Variants in MTMR8 observed in about 807,000 individuals in gnomAD.
MTMR8 encodes the protein myotubularin related protein 8.
Under a neutral mutation model 39.3 loss-of-function variants are expected in MTMR8, and 65 were observed. The observed-to-expected ratio is 1.65, with a 90% CI of 1.35 to 2.03. The LOEUF is 2.03. MTMR8 is among the 30% of genes most tolerant of loss of function. The pLI, the probability that MTMR8 is intolerant of heterozygous loss-of-function variation, is 0.00. For synonymous variants in MTMR8, 245 were observed against 185.2 expected, an observed-to-expected ratio of 1.32 and a Z score of -2.62; for missense variants, 777 against 538.9, an observed-to-expected ratio of 1.44 and a Z score of -4.37.
intron 1 of MTMR8, among the ~76,000 whole-genome samples, chrX:64,386,946 A>G (rs1298898137): frequency 9.0e-6 from 1 of 110,714 alleles, no homozygotes; most frequent in Admixed American, 9.6e-5. Context: ...CCAGCCACTC[A>G]GAAGGCTGTG....
At chrX:64,355,332 G>A (rs1212000085) in intron 3 of MTMR8, among the ~76,000 whole-genome samples, 1 of 111,671 alleles carries the variant, frequency 9.0e-6, no homozygotes, top group Non-Finnish European at 1.9e-5. Flanking sequence ...CTTTAACAAT[G>A]TTTTTGCATT....
At chrX:64,286,561 C>G (rs62611783) in intron 12 of MTMR8, among the ~76,000 whole-genome samples, 1 of 111,930 alleles carries the variant, frequency 8.9e-6, no homozygotes, top group Non-Finnish European at 1.9e-5. Flanking sequence ...CAAAAATCCT[C>G]AATAAAATAC....
intron 12 of MTMR8, among the ~76,000 whole-genome samples, chrX:64,285,153 A>G (rs1176253980): frequency 9.0e-6 from 1 of 111,628 alleles, no homozygotes; most frequent in African/African-American, 3.3e-5. Flanking sequence ...GGAAAACAAA[A>G]AAAGGCAGGG....
chrX:64,287,292 C>G (rs1921218809), intron 12 of MTMR8, among the ~76,000 whole-genome samples: 1 of 111,093 alleles, frequency 9.0e-6, no homozygotes, highest in Admixed American at 9.6e-5. Context: ...GAACTACAAA[C>G]CACTGCTCAA....
At chrX:64,292,952 C>T (rs373434705) in intron 12 of MTMR8, among the ~76,000 whole-genome samples, 3 of 111,335 alleles carry the variant, frequency 2.7e-5, no homozygotes, top group East Asian at 2.8e-4. Context: ...TGGATTTTTA[C>T]GGCTTGGCTT....
chrX:64,363,455 G>T (rs1344599956), intron 1 of MTMR8, among the ~76,000 whole-genome samples: 1 of 111,558 alleles, frequency 9.0e-6, no homozygotes, highest in Admixed American at 9.5e-5. Context: ...TCTTGGTCCT[G>T]CTCCAAACAT....
chrX:64,371,511 A>G lies in MTMR8; in HGVS notation c.25-11984T>C, dbSNP rs780091102. On this transcript the variant is annotated intron_variant, in intron 1 of 13. Transcript: ENST00000374852. ...AAAACTGTCAAGAACATATAAGTATAAACCAGTATCCTTTGACCCAATACC... is the reference window on the plus strand; with the variant it reads ...AAAACTGTCAAGAACATATAAGTATGAACCAGTATCCTTTGACCCAATACC... 2.7e-5 allele frequency among the ~76,000 whole-genome samples: 3 copies of G among 111,352 alleles called. No individual in the cohort carries two copies. In the Admixed American group the frequency reaches 2.9e-4, roughly 11 times the overall value.
intron 12 of MTMR8, among the ~76,000 whole-genome samples, chrX:64,283,642 C>T (rs1298059355): frequency 8.9e-6 from 1 of 112,355 alleles, no homozygotes; most frequent in Non-Finnish European, 1.9e-5. Context: ...GAGGAACGAT[C>T]ATACAGCAAC....
intron 12 of MTMR8, among the ~76,000 whole-genome samples, chrX:64,271,681 C>T (rs1602099791): frequency 8.9e-6 from 1 of 112,714 alleles, no homozygotes; most frequent in African/African-American, 3.2e-5. Context: ...GGACTGCACA[C>T]CTAACATCCC....
chrX:64,393,143 G>A (rs1366565432), intron 1 of MTMR8, among the ~76,000 whole-genome samples: 1 of 111,846 alleles, frequency 8.9e-6, no homozygotes, highest in Non-Finnish European at 1.9e-5. Flanking sequence ...GTTTTCTTGA[G>A]CACGAACCCT....
chrX:64,382,339 C>T (rs891634184), intron 1 of MTMR8, among the ~76,000 whole-genome samples: 3 of 111,163 alleles, frequency 2.7e-5, no homozygotes, highest in African/African-American at 6.5e-5. Context: ...AGTTGGATTC[C>T]TAGGTATTTT....
intron 12 of MTMR8, among the ~76,000 whole-genome samples, chrX:64,294,679 C>T (rs1921507945): frequency 9.0e-6 from 1 of 111,692 alleles, no homozygotes; most frequent in African/African-American, 3.3e-5. Flanking sequence ...GATTTGGCAT[C>T]TGGTGAAGGT....
intron 2 of MTMR8, 145 bp downstream of exon 2, chrX:64,359,260 T>TA (rs1923712970): frequency 1.3e-5 from 7 of 520,027 alleles, no homozygotes; most frequent in Non-Finnish European, 1.9e-5. Context: ...ATTCAGACCA[T>TA]AAAAAGATTA....
rs1012399259 is a variant in MTMR8 at position 64,331,611 on chromosome X, G to A, written c.1298C>T (p.Ser433Phe). 8.3e-7 allele frequency: 1 copy of A among 1,210,473 alleles called. No individual in the cohort carries two copies. Among genetic ancestry groups the A allele is most frequent in the Non-Finnish European group, 1.1e-6 (1 of 894,885 alleles). The change falls in exon 11 of 14, where the codon TCC (serine) becomes TTC (phenylalanine). Residue 433 changes from serine (S) to phenylalanine (F), a missense_variant. Physicochemically the swap from Ser to Phe is radical, Grantham distance 155. Coordinates refer to ENST00000374852, the MANE Select transcript of MTMR8 (RefSeq NM_017677.4). Reference protein sequence around the residue: ...FLLEIHDHVFSCQFGNFLGNC... With the variant: ...FLLEIHDHVFFCQFGNFLGNC... ...ACCAAGGAAGTTTCCAAACTGGCAG[G>A]AGAAAACATGGTCATGAATCTCCAG...
chrX:64,374,287 A>C (rs1419063272), intron 1 of MTMR8, among the ~76,000 whole-genome samples: 3 of 111,933 alleles, frequency 2.7e-5, no homozygotes, highest in Non-Finnish European at 5.6e-5. Context: ...GACACCTAGA[A>C]CTGAATATTC....
intron 13 of MTMR8, 110 bp downstream of exon 13, chrX:64,270,837 G>A: frequency 1.1e-6 from 1 of 879,343 alleles, no homozygotes; most frequent in South Asian, 3.0e-5. Flanking sequence ...AAGCCAAAGA[G>A]TATAAAAAAG....
intron 12 of MTMR8, chrX:64,305,723 T>C (rs1922087558): frequency 2.0e-6 from 1 of 498,468 alleles, no homozygotes; most frequent in Admixed American, 2.5e-5. Flanking sequence ...TATCTACTAA[T>C]ATATTTACAA....
chrX:64,382,305 A>T (rs1048424844), intron 1 of MTMR8, among the ~76,000 whole-genome samples: 8 of 111,532 alleles, frequency 7.2e-5, no homozygotes, highest in African/African-American at 2.0e-4. Flanking sequence ...GTTCTCCTTG[A>T]AGAGGTCCTT....
In MTMR8 at chrX:64,268,356, G is replaced by A; in HGVS notation, c.*181C>T. On this transcript the variant is annotated 3_prime_UTR_variant, in exon 14 of 14. Transcript: ENST00000374852. ...CTTTCTCTTGCCTACACTCTGTACTGCTTAATATGAACATATTGGTCACTT... is the reference window on the plus strand; with the variant it reads ...CTTTCTCTTGCCTACACTCTGTACTACTTAATATGAACATATTGGTCACTT... 2.1e-6 allele frequency: 1 copy of A among 475,194 alleles called. No individual in the cohort carries two copies. The highest frequency in any genetic ancestry group is 3.5e-5 in the South Asian group (1 of 28,383). 39.2% of individuals were successfully genotyped at this position (475,194 alleles called of 1,213,427 possible).
Sources: gnomAD v4.1 joint callset for allele counts (sites outside exome capture counted in the v4.1 genomes callset) on GRCh38, gnomAD v4.1.1 for gene constraint, MANE v1.5 for transcripts, NCBI Gene and HGNC (gene_info 2026-07-23, HGNC 2026-07-21) for gene names.